CEP162: variants seen among roughly 807,000 people sequenced by gnomAD.
CEP162 encodes the protein centrosomal protein 162, also known as centrosomal protein of 162 kDa.
A neutral mutation model predicts 169.2 loss-of-function variants in CEP162; 141 were observed. That is an observed-to-expected ratio of 0.83 (90% CI 0.73 to 0.96). CEP162 has a LOEUF of 0.96. Ranked by LOEUF, CEP162 falls within the 40% of genes least tolerant of loss-of-function variation. The probability of loss-of-function intolerance (pLI) is 0.00; values close to 1 mark genes in which losing one functional copy is unlikely to be tolerated. For missense variants in CEP162, 1,600 were observed against 1,587.2 expected (o/e 1.01, Z -0.14); for synonymous variants, 540 against 526.4 (o/e 1.03, Z -0.35).
intron 13 of CEP162, among the ~76,000 whole-genome samples, chr6:84,176,005 C>T (rs2099532272): frequency 6.6e-6 from 1 of 151,968 alleles, no homozygotes; most frequent in Non-Finnish European, 1.5e-5. Context: ...AGAAATCATT[C>T]TAAGGCTAAT....
chr6:84,215,860 T>C lies in CEP162; in HGVS notation c.235A>G (p.Ile79Val), dbSNP rs768754422. The C allele has an allele frequency of 1.3e-6, 2 of 1,583,398 alleles. No homozygotes were observed. Among genetic ancestry groups the C allele is most frequent in the Non-Finnish European group, 1.7e-6 (2 of 1,162,942 alleles). ...ATCTTTTCAGCAGACTCCTCTTCTA[T>C]TTCCATAACAGGCTGAGAAGTCTTC... ...TKKTSQPVME[I>V]EEESAEKIQF... Residue 79 changes from isoleucine to valine, a missense_variant, in exon 4 of 27, where the codon ATA becomes GTA. By Grantham distance (29) the Ile-to-Val change is conservative. Coordinates refer to ENST00000403245, the MANE Select transcript of CEP162 (RefSeq NM_014895.4).
intron 13 of CEP162, among the ~76,000 whole-genome samples, chr6:84,176,546 C>T (rs2099532492): frequency 6.6e-6 from 1 of 152,260 alleles, no homozygotes; most frequent in Non-Finnish European, 1.5e-5. Flanking sequence ...ACAGGTGGAA[C>T]GTCCCGGATC....
intron 2 of CEP162, among the ~76,000 whole-genome samples, chr6:84,224,733 AAG>A (rs1415689807): frequency 1.3e-5 from 2 of 152,120 alleles, no homozygotes; most frequent in Non-Finnish European, 2.9e-5. Context: ...ATATAAGAGG[AAG>A]AGAGACACAG....
intron 13 of CEP162, among the ~76,000 whole-genome samples, chr6:84,176,166 A>AAT (rs58743448): frequency 0.064 from 9,754 of 152,216 alleles, 1,011 homozygotes; most frequent in African/African-American, 0.22. Flanking sequence ...TAATTTTTAA[A>AAT]AATTTATTCA....
intron 3 of CEP162, chr6:84,219,063 T>C: frequency 1.5e-6 from 1 of 645,662 alleles, no homozygotes; most frequent in South Asian, 2.1e-5. Flanking sequence ...CAAGCAAAAT[T>C]ATAATGTAAA....
intron 21 of CEP162, chr6:84,155,741 A>G (rs1397452087): frequency 4.0e-5 from 20 of 494,302 alleles, no homozygotes; most frequent in Middle Eastern, 5.4e-4. Flanking sequence ...TGACACAAAC[A>G]AATAGAAAAA....
chr6:84,124,974 T>G lies in CEP162; in HGVS notation c.*96A>C, dbSNP rs1486282595. 1 of 922,212 alleles carries G rather than the reference T, an allele frequency of 1.1e-6. No homozygotes were observed. The highest frequency in any genetic ancestry group is 1.7e-6 in the Non-Finnish European group (1 of 602,340). The allele number at this position is 922,212 out of a possible 1,614,324, so 57.1% of individuals were successfully genotyped here. A position where few individuals can be genotyped will look rare whatever the true frequency, so the allele number is the denominator to read the frequency against. ...TGGTTGTTTGCTTTCTGGAAACATA[T>G]TGGAACACTTGTTTTTCATAAGCTG... On this transcript the variant is annotated 3_prime_UTR_variant, in exon 27 of 27. Transcript: ENST00000403245.
chr6:84,171,702 T>C lies in CEP162; in HGVS notation c.2183A>G (p.Tyr728Cys), dbSNP rs1261186412. ...QGYQQENERL[Y>C]NQVKDLQEQN... ...TTCTTGGAGATCTTTTACTTGATTA[T>C]ATAATCGTTCATTTTCCTTTTTAAA... The change falls in exon 17 of 27, where the codon TAT (tyrosine) becomes TGT (cysteine). Residue 728 changes from tyrosine (Y) to cysteine (C), a missense_variant. Physicochemically the swap from Tyr to Cys is radical, Grantham distance 194. Coordinates refer to ENST00000403245, the MANE Select transcript of CEP162 (RefSeq NM_014895.4). 2 of 1,487,164 alleles carry C rather than the reference T, an allele frequency of 1.3e-6. No homozygotes were observed. The highest frequency in any genetic ancestry group is 2.7e-5 in the South Asian group (2 of 75,368). 92.1% of individuals were successfully genotyped at this position (1,487,164 alleles called of 1,614,324 possible). A position where few individuals can be genotyped will look rare whatever the true frequency, so the allele number is the denominator to read the frequency against.
At position 84,146,790 on chromosome 6, in the gene CEP162, G is replaced by A. The variant is rs1057512287; in HGVS notation, c.3772-5C>T. The A allele has an allele frequency of 6.9e-7, 1 of 1,445,902 alleles. No individual in the cohort carries two copies. The highest frequency in any genetic ancestry group is 9.5e-7 in the Non-Finnish European group (1 of 1,052,796). The allele number at this position is 1,445,902 out of a possible 1,614,324, so 89.6% of individuals were successfully genotyped here. ...TTGGAAATGTCTTATAAGTACCTAG[G>A]AAATTGTTAGAAGTGCTGAGTTAAT... is the stretch of plus-strand genomic sequence containing the variant. On this transcript the variant is annotated splice_region_variant and splice_polypyrimidine_tract_variant and intron_variant, in intron 24 of 26. Coordinates refer to ENST00000403245, the MANE Select transcript of CEP162 (RefSeq NM_014895.4).
chr6:84,129,479 G>A (rs2099510352), intron 25 of CEP162, among the ~76,000 whole-genome samples: 1 of 152,154 alleles, frequency 6.6e-6, no homozygotes, highest in Admixed American at 6.5e-5. Context: ...CTGCATAAAT[G>A]TCTTCTTTTG....
At position 84,200,157 on chromosome 6, in the gene CEP162, A is replaced by G. The variant is rs148817164; in HGVS notation, c.835+632T>C. On this transcript the variant is annotated intron_variant, in intron 9 of 26. Coordinates refer to ENST00000403245, the MANE Select transcript of CEP162 (RefSeq NM_014895.4). ...AGTCCCAGCTACTTGGGAGGCTGAG[A>G]CAGAATTGCATGAACCTGGGAGATG... 3.4e-3 allele frequency among the ~76,000 whole-genome samples: 524 copies of G among 152,206 alleles called. 3 individuals carry two copies. Among genetic ancestry groups the G allele is most frequent in the African/African-American group, 0.012 (482 of 41,540 alleles).
intron 5 of CEP162, among the ~76,000 whole-genome samples, chr6:84,214,229 A>C (rs991126636): frequency 6.6e-6 from 1 of 152,224 alleles, no homozygotes; most frequent in Non-Finnish European, 1.5e-5. Context: ...CAGTGAGCCA[A>C]GATCGTGCCA....
Position 84,124,346 on chromosome 6 carries a change from G to A in CEP162, c.*724C>T, listed in dbSNP as rs2099508101. ...CAACAATTGACTGGATAAAGAAAACGTGAGATATATATAGAGAGAGATATA... is the reference window on the plus strand; with the variant it reads ...CAACAATTGACTGGATAAAGAAAACATGAGATATATATAGAGAGAGATATA... On this transcript the variant is annotated 3_prime_UTR_variant, in exon 27 of 27. Transcript: ENST00000403245. The A allele has an allele frequency of 2.0e-5, 3 of 152,048 alleles. No individual in the cohort carries two copies. The highest frequency in any genetic ancestry group is 6.6e-5 in the Admixed American group (1 of 15,252). 9.4% of individuals were successfully genotyped at this position (152,048 alleles called of 1,614,324 possible).
At chr6:84,155,099 ACT>A (rs1329001104) in intron 22 of CEP162, among the ~76,000 whole-genome samples, 197 bp downstream of exon 22, 2 of 152,156 alleles carry the variant, frequency 1.3e-5, no homozygotes, top group African/African-American at 4.8e-5. Flanking sequence ...GTGCTTGATT[ACT>A]CTGTCAGAAA....
At chr6:84,152,414 A>G in intron 23 of CEP162, 131 bp downstream of exon 23, 1 of 508,074 alleles carries the variant, frequency 2.0e-6, no homozygotes, top group Non-Finnish European at 3.2e-6. Context: ...GCAATATAAT[A>G]TAATTTATTA....
At chr6:84,224,392 A>G (rs965193713) in intron 2 of CEP162, among the ~76,000 whole-genome samples, 1 of 152,152 alleles carries the variant, frequency 6.6e-6, no homozygotes, top group Non-Finnish European at 1.5e-5. Flanking sequence ...GGAAGGGGGA[A>G]CAAGGAGATG....
chr6:84,149,468 A>G, intron 24 of CEP162, 94 bp downstream of exon 24: 1 of 1,029,616 alleles, frequency 9.7e-7, no homozygotes, highest in Non-Finnish European at 1.3e-6. Context: ...TGAAAAAGTT[A>G]AAACATTTCC....
In CEP162 at chr6:84,169,356, T is replaced by A. The variant is rs1330893524; in HGVS notation, c.2357A>T (p.Asp786Val). The A allele has an allele frequency of 2.5e-6, 4 of 1,579,782 alleles. No homozygotes were observed. Among genetic ancestry groups the A allele is most frequent in the Non-Finnish European group, 3.4e-6 (4 of 1,161,770 alleles). The change falls in exon 18 of 27, where the codon GAT becomes GTT. Residue 786 changes from aspartate to valine, a missense_variant. By Grantham distance (152) the Asp-to-Val change is radical (BLOSUM62 -3). Coordinates refer to ENST00000403245, the MANE Select transcript of CEP162 (RefSeq NM_014895.4). ...SEPTRNQNFTDLLAELRMAQK... is the reference protein window; with the variant it reads ...SEPTRNQNFTVLLAELRMAQK... ...TGCCATCCGTAGTTCTGCTAACAGA[T>A]CTGTAAAATTCTGATTTCTTGTGGG...
At chr6:84,157,443 G>A (rs1361318141) in intron 21 of CEP162, among the ~76,000 whole-genome samples, 1 of 152,132 alleles carries the variant, frequency 6.6e-6, no homozygotes, top group Non-Finnish European at 1.5e-5. Flanking sequence ...AAGCCAAGGC[G>A]GGTGGATCAC....
Sources: allele counts gnomAD v4.1 joint callset (sites outside exome capture counted in the v4.1 genomes callset), GRCh38; gene constraint gnomAD v4.1.1; transcripts MANE v1.5; gene names NCBI Gene and HGNC (gene_info 2026-07-23, HGNC 2026-07-21).